Variants in ARL13B observed in about 807,000 individuals in gnomAD.
ARL13B encodes the protein ARF like GTPase 13B.
A neutral mutation model predicts 56.1 loss-of-function variants in ARL13B; 36 were observed. The ratio of observed to expected loss-of-function variants is 0.64; its 90% CI spans 0.49 to 0.85. The LOEUF (loss-of-function observed/expected upper bound fraction) is 0.85, where lower values mean the gene tolerates loss of function less well. Among genes scored for constraint, ARL13B ranks in the 40% least tolerant of loss-of-function variants. ARL13B has a pLI of 0.00. For missense variants in ARL13B, 519 were observed against 507.1 expected (o/e 1.02, Z -0.23); for synonymous variants, 178 against 171.1 (o/e 1.04, Z -0.32).
At chr3:94,050,099 A>G (rs894603257) in intron 8 of ARL13B, among the ~76,000 whole-genome samples, 1 of 149,636 alleles carries the variant, frequency 6.7e-6, no homozygotes, top group Admixed American at 6.7e-5. Flanking sequence ...GGGATGGAGA[A>G]GTTGCAGTGA....
chr3:94,052,485 A>G (rs573666211), intron 9 of ARL13B, among the ~76,000 whole-genome samples: 1 of 152,284 alleles, frequency 6.6e-6, no homozygotes, highest in South Asian at 2.1e-4. Context: ...TAAGCAGAAG[A>G]AACAGACTAT....
rs553071584 is a variant in ARL13B at position 94,054,463 on chromosome 3, A to G, written c.*1200A>G. 5.6e-6 allele frequency: 2 copies of G among 357,382 alleles called. No homozygotes were observed. The highest frequency in any genetic ancestry group is 3.8e-5 in the Admixed American group (1 of 26,008). The allele number at this position is 357,382 out of a possible 1,614,324, so 22.1% of individuals were successfully genotyped here. ...GTATATTTTTAATAATAGATTCATA[A>G]TGTTACATTTAATTGAAAACAAACC... On this transcript the variant is annotated 3_prime_UTR_variant, in exon 10 of 10. Transcript: ENST00000394222.
At chr3:93,983,810 T>G (rs536990163) in intron 1 of ARL13B, among the ~76,000 whole-genome samples, 1 of 152,280 alleles carries the variant, frequency 6.6e-6, no homozygotes, top group South Asian at 2.1e-4. Context: ...TTTTAAGTGT[T>G]TGTCGTAGCT....
intron 2 of ARL13B, among the ~76,000 whole-genome samples, chr3:93,998,530 C>T (rs1466276009): frequency 1.3e-5 from 2 of 152,120 alleles, no homozygotes; most frequent in African/African-American, 4.8e-5. Flanking sequence ...TGAAACTTCC[C>T]AGATGTAAGC....
intron 3 of ARL13B, among the ~76,000 whole-genome samples, chr3:94,021,475 A>G (rs1365456435): frequency 5.3e-5 from 8 of 152,012 alleles, no homozygotes; most frequent in African/African-American, 1.9e-4. Flanking sequence ...GATTACAGGT[A>G]CAAACCACCA....
chr3:94,012,830 G>C (rs2076248330), intron 3 of ARL13B, among the ~76,000 whole-genome samples: 1 of 152,004 alleles, frequency 6.6e-6, no homozygotes, highest in South Asian at 2.1e-4. Flanking sequence ...CTATGTGCTT[G>C]TCTTCTACTC....
In ARL13B at chr3:94,054,099, G is replaced by C. The variant is rs1329098582; in HGVS notation, c.*836G>C. On this transcript the variant is annotated 3_prime_UTR_variant, in exon 10 of 10. Coordinates refer to ENST00000394222, the MANE Select transcript of ARL13B (RefSeq NM_001174150.2). ...CAGTAAAGTCCTATTTTAAAGGTTA[G>C]ACACTTTCAGAGATCAAGGTGCTCC... 2.2e-6 allele frequency: 1 copy of C among 452,200 alleles called. No homozygotes were observed. Among genetic ancestry groups the C allele is most frequent in the African/African-American group, 2.0e-5 (1 of 49,938 alleles). The allele number at this position is 452,200 out of a possible 1,614,324, so 28.0% of individuals were successfully genotyped here.
At chr3:93,996,573 T>TCAG in intron 2 of ARL13B, 1 of 364,120 alleles carries the variant, frequency 2.7e-6, no homozygotes, top group East Asian at 7.7e-5. Flanking sequence ...AGATGGGGTC[T>TCAG]CCCTATGTTG....
Position 94,036,706 on chromosome 3 carries a change from A to T in ARL13B, c.641A>T (p.Gln214Leu). The T allele has an allele frequency of 6.2e-7, 1 of 1,613,970 alleles. No homozygotes were observed. Among genetic ancestry groups the T allele is most frequent in the Non-Finnish European group, 8.5e-7 (1 of 1,179,884 alleles). ...ACAGAGCAGCGTGCTCTTGAGGAAC[A>T]AGAGAAACAAGAAAGAGCTGAACGA... ...ETTEQRALEEQEKQERAERVR... is the reference protein window; with the variant it reads ...ETTEQRALEELEKQERAERVR... The change falls in exon 5 of 10, where the codon CAA becomes CTA. Residue 214 changes from glutamine (Q) to leucine (L), a missense_variant. Coordinates refer to ENST00000394222, the MANE Select transcript of ARL13B (RefSeq NM_001174150.2).
At chr3:94,023,194 A>G (rs573260697) in intron 3 of ARL13B, among the ~76,000 whole-genome samples, 1 of 152,244 alleles carries the variant, frequency 6.6e-6, no homozygotes, top group East Asian at 1.9e-4. Context: ...CTATACTTGA[A>G]TACTATATTT....
intron 3 of ARL13B, among the ~76,000 whole-genome samples, chr3:94,014,021 T>C (rs1397727373): frequency 1.3e-5 from 2 of 152,210 alleles, no homozygotes; most frequent in South Asian, 2.1e-4. Flanking sequence ...TATTAAAATA[T>C]TCTCCAGTCA....
At chr3:94,016,078 A>C (rs2076328161) in intron 3 of ARL13B, among the ~76,000 whole-genome samples, 1 of 152,140 alleles carries the variant, frequency 6.6e-6, no homozygotes, top group African/African-American at 2.4e-5. Flanking sequence ...GTTATCTGTA[A>C]GAATCAAATT....
In ARL13B at chr3:94,035,408, T is replaced by A. The variant is rs770729212; in HGVS notation, c.458T>A (p.Val153Asp). The change falls in exon 4 of 10, where the codon GTC becomes GAC. Residue 153 changes from valine to aspartate, a missense_variant. Physicochemically the swap from Val to Asp is radical, Grantham distance 152. Coordinates refer to ENST00000394222, the MANE Select transcript of ARL13B (RefSeq NM_001174150.2). ...GAATGTCTATCTCTGGAAAAATTGG[T>A]CAATGAGCACAAGTGCCTGTGTCAG... ...VIECLSLEKL[V>D]NEHKCLCQIE... 1 of 1,604,760 alleles carries A rather than the reference T, an allele frequency of 6.2e-7. No individual in the cohort carries two copies. The highest frequency in any genetic ancestry group is 8.5e-7 in the Non-Finnish European group (1 of 1,176,938).
intron 3 of ARL13B, chr3:94,028,296 G>A (rs1232719349): frequency 6.6e-6 from 1 of 152,168 alleles, no homozygotes; most frequent in Non-Finnish European, 1.5e-5. Context: ...ATTTTTAAAT[G>A]TAACAGTGTA....
At chr3:94,051,857 C>T (rs2077072667) in intron 9 of ARL13B, among the ~76,000 whole-genome samples, 1 of 151,698 alleles carries the variant, frequency 6.6e-6, no homozygotes, top group African/African-American at 2.4e-5. Flanking sequence ...CTTTTTTCCC[C>T]CAGAATTCTA....
intron 7 of ARL13B, among the ~76,000 whole-genome samples, chr3:94,046,690 G>A (rs2076990158): frequency 1.3e-5 from 2 of 151,966 alleles, no homozygotes; most frequent in Admixed American, 1.3e-4. Flanking sequence ...ACATCTTAAG[G>A]TTTTTTGTTT....
intron 8 of ARL13B, among the ~76,000 whole-genome samples, chr3:94,050,330 G>T (rs953799781): frequency 1.3e-5 from 2 of 152,056 alleles, no homozygotes; most frequent in Non-Finnish European, 2.9e-5. Flanking sequence ...GACTTAACTT[G>T]CACAATAATT....
chr3:94,036,240 T>C (rs1247546666), intron 4 of ARL13B, among the ~76,000 whole-genome samples: 1 of 152,202 alleles, frequency 6.6e-6, no homozygotes. Flanking sequence ...TAAAACTTCC[T>C]GGCATTTTTA....
intron 2 of ARL13B, among the ~76,000 whole-genome samples, chr3:94,001,365 G>A (rs1207116041): frequency 2.6e-5 from 4 of 151,782 alleles, no homozygotes; most frequent in African/African-American, 9.7e-5. Flanking sequence ...TGGTTTACTG[G>A]GCATATTGCC....
Sources: gnomAD v4.1 joint callset for allele counts (sites outside exome capture counted in the v4.1 genomes callset) on GRCh38, gnomAD v4.1.1 for gene constraint, MANE v1.5 for transcripts, NCBI Gene and HGNC (gene_info 2026-07-23, HGNC 2026-07-21) for gene names.